The following SGCD variants were observed in gnomAD, a reference collection of about 807,000 sequenced individuals.
SGCD encodes delta-sarcoglycan.
In SGCD, 18 loss-of-function variants were observed where a neutral mutation model predicts 36.6. The observed-to-expected ratio is 0.49, with a 90% confidence interval of 0.34 to 0.73. The LOEUF (loss-of-function observed/expected upper bound fraction) is 0.73. SGCD is among the 30% of genes least tolerant of loss of function. SGCD has a pLI of 0.01. For synonymous variants in SGCD, 133 were observed against 130.6 expected (o/e 1.02, Z -0.12); for missense variants, 387 against 346.7 (o/e 1.12, Z -0.92).
At chr5:156,185,921 C>CAT (rs1050141879) in intron 3 of SGCD, among the ~76,000 whole-genome samples, 1 of 106,714 alleles carries the variant, frequency 9.4e-6, no homozygotes, top group African/African-American at 3.3e-5. Context: ...TTACTGTGTT[C>CAT]ATAATTGCTC....
chr5:156,509,300 C>G (rs547985432), intron 4 of SGCD, among the ~76,000 whole-genome samples: 25 of 152,146 alleles, frequency 1.6e-4, no homozygotes, highest in African/African-American at 5.3e-4. Context: ...TGGTGAGCAC[C>G]TGTAATCTTA....
chr5:156,025,315 T>C (rs1759203424), intron 1 of SGCD, among the ~76,000 whole-genome samples: 1 of 152,168 alleles, frequency 6.6e-6, no homozygotes, highest in South Asian at 2.1e-4. Flanking sequence ...CATATCTCAT[T>C]AGTTGGAGCA....
chr5:156,535,271 G>T (rs563134652), intron 4 of SGCD, among the ~76,000 whole-genome samples: 19 of 152,154 alleles, frequency 1.2e-4, no homozygotes, highest in Non-Finnish European at 1.5e-5. Flanking sequence ...ACAAAGCAAA[G>T]GTAGGTAGCC....
the SGCD span, among the ~76,000 whole-genome samples, chr5:155,851,545 T>A: frequency 6.6e-6 from 1 of 152,154 alleles, no homozygotes; most frequent in Non-Finnish European, 1.5e-5. Flanking sequence ...TGCTTATGGG[T>A]AGTGGTGACT....
chr5:156,752,404 C>T (rs1217140793), intron 7 of SGCD, among the ~76,000 whole-genome samples: 1 of 151,034 alleles, frequency 6.6e-6, no homozygotes, highest in Non-Finnish European at 1.5e-5. Context: ...TTCTTTTTTT[C>T]CCCCCCAAGA....
intron 3 of SGCD, among the ~76,000 whole-genome samples, chr5:156,181,835 C>A (rs1396236007): frequency 2.0e-5 from 3 of 152,184 alleles, no homozygotes; most frequent in Admixed American, 1.3e-4. Context: ...GATATTTCAT[C>A]CAGATTAATC....
the SGCD span, among the ~76,000 whole-genome samples, chr5:155,828,438 G>A: frequency 6.6e-6 from 1 of 152,082 alleles, no homozygotes; most frequent in Non-Finnish European, 1.5e-5. Flanking sequence ...TGCTTGACCT[G>A]TAAATTTTTG....
rs1158524547 is a variant in SGCD at position 156,766,045 on chromosome 5, A to AG, written c.*6655_*6656insG. 6.6e-6 allele frequency: 1 copy of AG among 152,040 alleles called. No homozygotes were observed. The highest frequency in any genetic ancestry group is 2.4e-5 in the African/African-American group (1 of 41,376). 9.4% of individuals were successfully genotyped at this position (152,040 alleles called of 1,614,324 possible). A position where few individuals can be genotyped will look rare whatever the true frequency, so the allele number is the denominator to read the frequency against. On this transcript the variant is annotated 3_prime_UTR_variant, in exon 9 of 9. Coordinates refer to ENST00000337851, the MANE Select transcript of SGCD (RefSeq NM_000337.6). ...GCTTAGGTCAAGCTTAAAAAAAAAA[A>AG]AAAAAGACCGGAAAATACCTGGGTT...
the SGCD span, among the ~76,000 whole-genome samples, chr5:155,744,230 G>A: frequency 1.3e-5 from 2 of 152,240 alleles, no homozygotes; most frequent in South Asian, 4.1e-4. Flanking sequence ...GGGAGGCCGA[G>A]GTGGGCAGAT....
In SGCD at chr5:156,400,221, G is replaced by A. The variant is rs185293097; in HGVS notation, c.192+55544G>A. Among the ~76,000 whole-genome samples, 102 of 152,264 alleles carry A rather than the reference G, an allele frequency of 6.7e-4. 1 individual carries two copies. The highest frequency in any genetic ancestry group is 1.2e-3 in the Non-Finnish European group (81 of 68,016). On this transcript the variant is annotated intron_variant, in intron 3 of 8. Coordinates refer to ENST00000337851, the MANE Select transcript of SGCD (RefSeq NM_000337.6). ...GTTCAATACTCTTGGTGTGGGCCTG[G>A]GAATTTGCATTTTAACAAGTTCCCA...
chr5:155,899,671 C>A (rs1449606697), intron 1 of SGCD, among the ~76,000 whole-genome samples: 2 of 152,108 alleles, frequency 1.3e-5, no homozygotes, highest in African/African-American at 4.8e-5. Context: ...GACCACCCCC[C>A]ACCCCATCAC....
chr5:155,826,292 T>C, the SGCD span, among the ~76,000 whole-genome samples: 1 of 152,350 alleles, frequency 6.6e-6, no homozygotes, highest in South Asian at 2.1e-4. Flanking sequence ...TAATCTATTT[T>C]CTACTCAGTA....
intron 3 of SGCD, among the ~76,000 whole-genome samples, chr5:156,180,390 AC>A (rs1286789930): frequency 7.0e-6 from 1 of 142,378 alleles, no homozygotes; most frequent in Non-Finnish European, 1.5e-5. Flanking sequence ...AAAATAAAAA[AC>A]ATAAGAACTC....
At chr5:156,001,478 C>G (rs918662912) in intron 1 of SGCD, among the ~76,000 whole-genome samples, 1 of 152,180 alleles carries the variant, frequency 6.6e-6, no homozygotes. Context: ...TTTGCTCTCA[C>G]GTTGTGGATA....
At chr5:156,078,920 A>T (rs927742453) in intron 1 of SGCD, among the ~76,000 whole-genome samples, 1 of 151,768 alleles carries the variant, frequency 6.6e-6, no homozygotes, top group South Asian at 2.1e-4. Flanking sequence ...TAGCCAAAAT[A>T]CTAAACAATT....
intron 3 of SGCD, among the ~76,000 whole-genome samples, chr5:156,272,908 C>G (rs936317327): frequency 3.9e-5 from 6 of 152,146 alleles, no homozygotes; most frequent in Non-Finnish European, 8.8e-5. Flanking sequence ...CCTACAATGG[C>G]AAAGTTGCAT....
At chr5:156,266,024 G>T (rs1014972820) in intron 3 of SGCD, among the ~76,000 whole-genome samples, 1 of 152,156 alleles carries the variant, frequency 6.6e-6, no homozygotes, top group Admixed American at 6.5e-5. Context: ...TTTTGACAAT[G>T]AAAAATTGTA....
At chr5:156,338,951 G>T (rs558149902) in intron 2 of SGCD, among the ~76,000 whole-genome samples, 2 of 62,922 alleles carry the variant, frequency 3.2e-5, no homozygotes, top group South Asian at 1.5e-3. Context: ...TTAATATCAA[G>T]TCTTGACTCT....
chr5:155,752,777 A>G, the SGCD span, among the ~76,000 whole-genome samples: 2 of 152,160 alleles, frequency 1.3e-5, no homozygotes, highest in Non-Finnish European at 2.9e-5. Flanking sequence ...TGCTGGATAA[A>G]TTAACTTTTG....
Sources: allele counts gnomAD v4.1 joint callset (sites outside exome capture counted in the v4.1 genomes callset), GRCh38; gene constraint gnomAD v4.1.1; transcripts MANE v1.5; gene names NCBI Gene and HGNC (gene_info 2026-07-23, HGNC 2026-07-21).